Variants in PITPNA observed in about 807,000 individuals in gnomAD.
PITPNA encodes phosphatidylinositol transfer protein alpha isoform.
A neutral mutation model predicts 50.3 loss-of-function variants in PITPNA; 13 were observed. The observed-to-expected ratio is 0.26, with a 90% CI of 0.17 to 0.41. The LOEUF (loss-of-function observed/expected upper bound fraction) is 0.41. Among genes scored for constraint, PITPNA ranks in the 10% least tolerant of loss-of-function variants. The probability of loss-of-function intolerance (pLI) is 1.00; values close to 1 mark genes in which losing one functional copy is unlikely to be tolerated. For synonymous variants in PITPNA, 120 were observed against 119.6 expected, an observed-to-expected ratio of 1.00 and a Z score of -0.02; for missense variants, 207 against 333.4, an observed-to-expected ratio of 0.62 and a Z score of 2.95.
At chr17:1,533,466 GCA>G (rs1321944339) in intron 10 of PITPNA, among the ~76,000 whole-genome samples, 1 of 152,100 alleles carries the variant, frequency 6.6e-6, no homozygotes, top group Non-Finnish European at 1.5e-5. Flanking sequence ...ATGGTAGACG[GCA>G]CACAGTGAGT....
intron 5 of PITPNA, among the ~76,000 whole-genome samples, chr17:1,542,667 T>C (rs2075653677): frequency 6.6e-6 from 1 of 152,142 alleles, no homozygotes; most frequent in African/African-American, 2.4e-5. Context: ...CAGTGCTCAG[T>C]GGACTCAACA....
At chr17:1,522,961 G>T (rs2151001403) in intron 10 of PITPNA, among the ~76,000 whole-genome samples, 1 of 152,324 alleles carries the variant, frequency 6.6e-6, no homozygotes, top group Admixed American at 6.5e-5. Context: ...GTTCCCGGCA[G>T]AGTAACAGAA....
Position 1,562,710 on chromosome 17 carries a change from G to A in PITPNA, c.-150C>T, listed in dbSNP as rs2075774798. The A allele has an allele frequency of 3.6e-5, 14 of 386,466 alleles. No homozygotes were observed. The highest frequency in any genetic ancestry group is 5.1e-5 in the Non-Finnish European group (14 of 276,728). The allele number at this position is 386,466 out of a possible 1,614,324, so 23.9% of individuals were successfully genotyped here. On this transcript the variant is annotated 5_prime_UTR_variant, in exon 1 of 12. Transcript: ENST00000313486. The surrounding 1 kb of genome is among the most constrained non-coding windows in gnomAD (Gnocchi z 6.4). ...CCCCGCCGCCCTCGCCGCGGTCGCC[G>A]CGCCGGCTCCTGCCGCCCGGGCCTC...
intron 4 of PITPNA, among the ~76,000 whole-genome samples, chr17:1,543,795 A>G (rs868037463): frequency 6.6e-6 from 1 of 152,150 alleles, no homozygotes; most frequent in Admixed American, 6.5e-5. Flanking sequence ...AACCCAAAAG[A>G]CTGTCAGTAA....
In PITPNA at chr17:1,550,899, G is replaced by A. The variant is rs932097920; in HGVS notation, c.197+2105C>T. ...TGAAAGGCAGGGAGACTCGTTAGAA[G>A]CTGCTGTAGTAATCCAGGCAAGAGG... On this transcript the variant is annotated intron_variant, in intron 3 of 11. Coordinates refer to ENST00000313486, the MANE Select transcript of PITPNA (RefSeq NM_006224.4). Among the ~76,000 whole-genome samples the A allele has an allele frequency of 4.6e-5, 7 of 152,370 alleles. 1 individual carries two copies. In the South Asian group the frequency reaches 1.4e-3, roughly 32 times the overall value.
chr17:1,557,265 G>A (rs1455517583), intron 2 of PITPNA, among the ~76,000 whole-genome samples: 1 of 152,144 alleles, frequency 6.6e-6, no homozygotes, highest in East Asian at 1.9e-4. Flanking sequence ...AAGGGCCAGT[G>A]TCTGCCCACC....
At chr17:1,560,572 A>G (rs2075763283) in intron 1 of PITPNA, among the ~76,000 whole-genome samples, 1 of 151,838 alleles carries the variant, frequency 6.6e-6, no homozygotes, top group African/African-American at 2.4e-5. Context: ...TTCAAACCTC[A>G]CTCAGATCTC....
At chr17:1,555,284 C>A (rs1274861793) in intron 2 of PITPNA, among the ~76,000 whole-genome samples, 1 of 152,222 alleles carries the variant, frequency 6.6e-6, no homozygotes, top group Admixed American at 6.5e-5. Flanking sequence ...CCTTCAATCT[C>A]TCTTGATATT....
At position 1,553,012 on chromosome 17, in the gene PITPNA, G is replaced by A. The variant is rs781072338; in HGVS notation, c.189C>T (p.His63=). 1 of 1,613,962 alleles carries A rather than the reference G, an allele frequency of 6.2e-7. No homozygotes were observed. The highest frequency in any genetic ancestry group is 1.1e-5 in the South Asian group (1 of 91,088). Reference sequence around the variant, plus strand: ...CTGCTCATGCCGCATACCTCTGCAGGTGGTAGATCTTGTGTGTGTACTGGC... The same window carrying A: ...CTGCTCATGCCGCATACCTCTGCAGATGGTAGATCTTGTGTGTGTACTGGC... ...EKGQYTHKIY[H]LQSKVPTFVR... Residue 63 remains histidine (H), a synonymous_variant, in exon 3 of 12, where the codon CAC becomes CAT. Coordinates refer to ENST00000313486, the MANE Select transcript of PITPNA (RefSeq NM_006224.4).
At chr17:1,551,612 A>T (rs1390679879) in intron 3 of PITPNA, among the ~76,000 whole-genome samples, 1 of 152,154 alleles carries the variant, frequency 6.6e-6, no homozygotes, top group African/African-American at 2.4e-5. Flanking sequence ...CATCTTTCAT[A>T]TGTAGAGACC....
At chr17:1,549,538 A>C (rs11078488) in intron 3 of PITPNA, among the ~76,000 whole-genome samples, 1 of 132,806 alleles carries the variant, frequency 7.5e-6, no homozygotes, top group Non-Finnish European at 1.5e-5. Flanking sequence ...GGATGGTCTC[A>C]ATCTCCTGAG....
intron 6 of PITPNA, among the ~76,000 whole-genome samples, chr17:1,540,482 A>G (rs1298655858): frequency 6.6e-6 from 1 of 152,152 alleles, no homozygotes; most frequent in Non-Finnish European, 1.5e-5. Context: ...TTCACTGAAC[A>G]GTCAACTTGA....
chr17:1,529,123 G>A (rs780467178), intron 10 of PITPNA, among the ~76,000 whole-genome samples: 1 of 121,262 alleles, frequency 8.2e-6, no homozygotes, highest in Non-Finnish European at 1.7e-5. Context: ...GGGCGACAGA[G>A]CAAGACTCCA....
At chr17:1,523,431 T>C (rs60969347) in intron 10 of PITPNA, among the ~76,000 whole-genome samples, 31,372 of 151,108 alleles carry the variant, frequency 0.21, 3,543 homozygotes, top group African/African-American at 0.28. Flanking sequence ...CAGCCTCGAC[T>C]CCCTGGCTCA....
intron 5 of PITPNA, among the ~76,000 whole-genome samples, chr17:1,542,430 T>C (rs960907332): frequency 3.3e-5 from 5 of 152,170 alleles, no homozygotes; most frequent in African/African-American, 9.7e-5. Flanking sequence ...AAGCTAATTA[T>C]TGCCTCCCTC....
intron 10 of PITPNA, among the ~76,000 whole-genome samples, chr17:1,525,676 G>A (rs1232402427): frequency 6.6e-6 from 1 of 151,974 alleles, no homozygotes; most frequent in Non-Finnish European, 1.5e-5. Flanking sequence ...GTGCCACCAT[G>A]CCTGGCTAAT....
chr17:1,553,543 A>G lies in PITPNA; in HGVS notation c.52-394T>C, dbSNP rs143092123. ...AAGCATGAGCCACCGTTCCCAGTCA[A>G]TCCATCAGGATTTAAAGAGGCAGGT... On this transcript the variant is annotated intron_variant, in intron 2 of 11. Coordinates refer to ENST00000313486, the MANE Select transcript of PITPNA (RefSeq NM_006224.4). Among the ~76,000 whole-genome samples, 654 of 152,152 alleles carry G rather than the reference A, an allele frequency of 4.3e-3. 2 individuals are homozygous for G. The highest frequency in any genetic ancestry group is 0.01 in the Middle Eastern group (3 of 294).
At chr17:1,544,494 C>T (rs2075663291) in intron 4 of PITPNA, among the ~76,000 whole-genome samples, 1 of 152,200 alleles carries the variant, frequency 6.6e-6, no homozygotes, top group African/African-American at 2.4e-5. Context: ...CCTCCCCAAA[C>T]CTTCTCCAGC....
chr17:1,519,157 C>G lies in PITPNA; in HGVS notation c.*1404G>C, dbSNP rs1190755580. The G allele has an allele frequency of 6.6e-6, 1 of 152,598 alleles. No homozygotes were observed. The highest frequency in any genetic ancestry group is 2.4e-5 in the African/African-American group (1 of 41,456). 9.5% of individuals were successfully genotyped at this position (152,598 alleles called of 1,614,324 possible). Reference sequence around the variant, plus strand: ...CAAACTGACAAAAACAGGATACATTCTCCCACCCACTTCTTGCTTCCCGGA... The same window carrying G: ...CAAACTGACAAAAACAGGATACATTGTCCCACCCACTTCTTGCTTCCCGGA... On this transcript the variant is annotated 3_prime_UTR_variant, in exon 12 of 12. Coordinates refer to ENST00000313486, the MANE Select transcript of PITPNA (RefSeq NM_006224.4).
Sources: allele counts gnomAD v4.1 joint callset (sites outside exome capture counted in the v4.1 genomes callset), GRCh38; gene constraint gnomAD v4.1.1; non-coding constraint Gnocchi (gnomAD v3.1); transcripts MANE v1.5; gene names NCBI Gene and HGNC (gene_info 2026-07-23, HGNC 2026-07-21).